Variants in DNAI7 observed in about 807,000 individuals in gnomAD.
DNAI7 encodes dynein axonemal intermediate chain 7.
DNAI7 carries 78 observed loss-of-function variants against 86.6 expected under a neutral mutation model. That is an observed-to-expected ratio of 0.90 (90% CI 0.75 to 1.09). DNAI7 has a LOEUF of 1.09. Among genes scored for constraint, DNAI7 ranks in the 50% least tolerant of loss-of-function variants. The pLI is 0.00. For missense variants in DNAI7, 753 were observed against 810.2 expected (o/e 0.93, Z 0.86); for synonymous variants, 274 against 273.0 (o/e 1.00, Z -0.04).
intron 6 of DNAI7, among the ~76,000 whole-genome samples, chr12:25,153,081 T>C (rs183504099): frequency 6.6e-6 from 1 of 152,330 alleles, no homozygotes; most frequent in Non-Finnish European, 1.5e-5. Context: ...TTCTATCTCT[T>C]TGTCTCTGTG....
chr12:25,146,952 T>C, intron 8 of DNAI7, 49 bp downstream of exon 8: 1 of 948,060 alleles, frequency 1.1e-6, no homozygotes, highest in Non-Finnish European at 1.7e-6. Context: ...ATGATGTGGC[T>C]CAATGTCTTT....
intron 7 of DNAI7, 31 bp from the exon 8 acceptor site, chr12:25,147,135 G>T: frequency 1.9e-6 from 2 of 1,055,720 alleles, no homozygotes; most frequent in Non-Finnish European, 2.9e-6. Context: ...ATTATAAAGG[G>T]CCACAGGCCT....
intron 9 of DNAI7, among the ~76,000 whole-genome samples, chr12:25,139,029 C>A (rs1380610084): frequency 6.6e-6 from 1 of 151,938 alleles, no homozygotes; most frequent in Non-Finnish European, 1.5e-5. Flanking sequence ...AGAGATACTA[C>A]AACTGATAGC....
At chr12:25,139,763 G>T (rs1943970780) in intron 9 of DNAI7, among the ~76,000 whole-genome samples, 1 of 151,998 alleles carries the variant, frequency 6.6e-6, no homozygotes, top group Non-Finnish European at 1.5e-5. Flanking sequence ...CAGGTTGATG[G>T]GTGCAGCAAA....
intron 12 of DNAI7, among the ~76,000 whole-genome samples, chr12:25,116,888 T>C (rs1026417386): frequency 2.6e-5 from 4 of 152,182 alleles, no homozygotes; most frequent in African/African-American, 7.2e-5. Flanking sequence ...GTTGTTCATG[T>C]TGATGTATTT....
In DNAI7 at chr12:25,108,595, A is replaced by C. The variant is rs760117950; in HGVS notation, c.2122T>G (p.Ser708Ala). The C allele has an allele frequency of 6.2e-7, 1 of 1,613,940 alleles. No homozygotes were observed. The highest frequency in any genetic ancestry group is 1.7e-5 in the Admixed American group (1 of 60,010). Residue 708 changes from serine (S) to alanine (A), a missense_variant, in exon 16 of 16, where the codon TCT becomes GCT. Coordinates refer to ENST00000395987, the MANE Select transcript of DNAI7 (RefSeq NM_018272.5). ...GTAGAGAGCAGCATGTGGCACACAG[A>C]GTTGACAAACTGACAGTTGGAACTC... ...VRSSNCQFVN[S>A]VCHMLLSTRL... is the part of the protein sequence containing the mutation.
chr12:25,116,062 T>C (rs1307951772), intron 12 of DNAI7, among the ~76,000 whole-genome samples: 13 of 150,506 alleles, frequency 8.6e-5, no homozygotes, highest in Non-Finnish European at 1.6e-4. Flanking sequence ...AAACTATGCC[T>C]CATTTATCTC....
chr12:25,185,485 T>G (rs1200691558), intron 2 of DNAI7, among the ~76,000 whole-genome samples: 1 of 152,260 alleles, frequency 6.6e-6, no homozygotes, highest in African/African-American at 2.4e-5. Context: ...TTTACCTAAT[T>G]GGCAAAACTG....
intron 2 of DNAI7, among the ~76,000 whole-genome samples, chr12:25,174,387 G>GATATATATA (rs1565810149): frequency 0.13 from 84 of 644 alleles, no homozygotes; most frequent in Non-Finnish European, 0.19. Flanking sequence ...TCATATATAT[G>GATATATATA]GGATATATCA....
rs1000819087 is a variant in DNAI7 at position 25,119,183 on chromosome 12, A to G, written c.1358T>C (p.Phe453Ser). The G allele has an allele frequency of 6.2e-7, 1 of 1,611,244 alleles. No homozygotes were observed. Among genetic ancestry groups the G allele is most frequent in the African/African-American group, 1.3e-5 (1 of 74,930 alleles). ...CCTTACAACCACAGGATCCTCAAAA[A>G]AGATTACATTCTCATGAACCTCAAG... Reference protein sequence around the residue: ...VTLEVHENVIFFEDPVVVRWD... With the variant: ...VTLEVHENVISFEDPVVVRWD... The change falls in exon 12 of 16, where the codon TTT (phenylalanine) becomes TCT (serine). Residue 453 changes from phenylalanine to serine, a missense_variant. Physicochemically the swap from Phe to Ser is radical, Grantham distance 155. Transcript: ENST00000395987.
chr12:25,168,387 G>A (rs149542775), intron 2 of DNAI7, among the ~76,000 whole-genome samples: 354 of 152,260 alleles, frequency 2.3e-3, no homozygotes, highest in African/African-American at 8.2e-3. Context: ...TAATTCCCGT[G>A]CTTGTCAGTT....
At chr12:25,133,525 AC>A (rs1251583014) in intron 9 of DNAI7, among the ~76,000 whole-genome samples, 3 of 152,060 alleles carry the variant, frequency 2.0e-5, no homozygotes, top group Non-Finnish European at 4.4e-5. Flanking sequence ...CTAAGCAGTC[AC>A]CCACCACCCT....
At chr12:25,146,092 C>T (rs1406332710) in intron 8 of DNAI7, among the ~76,000 whole-genome samples, 1 of 151,780 alleles carries the variant, frequency 6.6e-6, no homozygotes, top group Non-Finnish European at 1.5e-5. Context: ...CATGGTGGCA[C>T]ATGCCTGTAA....
chr12:25,154,394 C>T lies in DNAI7; in HGVS notation c.363G>A (p.Thr121=), dbSNP rs1314764713. ...PDPSVAQEMN[T]FISLWKEKTN... ...TTTTCTCTTTCCACAAACTAATAAA[C>T]GTGTTCATTTCTTGGGCTACTGAAG... is the stretch of plus-strand genomic sequence containing the variant. Residue 121 remains threonine (T), a synonymous_variant, in exon 6 of 16, where the codon ACG becomes ACA. Transcript: ENST00000395987. 1.7e-5 allele frequency: 28 copies of T among 1,611,532 alleles called. No individual in the cohort carries two copies. Among genetic ancestry groups the T allele is most frequent in the East Asian group, 2.2e-5 (1 of 44,700 alleles).
intron 9 of DNAI7, among the ~76,000 whole-genome samples, chr12:25,139,018 G>A (rs1015551097): frequency 5.3e-5 from 8 of 151,892 alleles, no homozygotes; most frequent in African/African-American, 1.4e-4. Flanking sequence ...GAAACAAAAT[G>A]AGAGATACTA....
Position 25,114,767 on chromosome 12 carries a change from T to C in DNAI7, c.1500A>G (p.Gln500=), listed in dbSNP as rs920669853. The part of the protein sequence containing the change: ...LDTFGPVTLI[Q]DAHINMPYQS... ...GGTACGGCATGTTAATATGAGCATC[T>C]TGAATCAAGGTAACAGGGCCAAAGG... Residue 500 remains glutamine (Q), a synonymous_variant, in exon 13 of 16, where the codon CAA becomes CAG. Coordinates refer to ENST00000395987, the MANE Select transcript of DNAI7 (RefSeq NM_018272.5). 2.5e-6 allele frequency: 4 copies of C among 1,613,956 alleles called. No homozygotes were observed. Among genetic ancestry groups the C allele is most frequent in the African/African-American group, 2.7e-5 (2 of 74,944 alleles).
chr12:25,136,880 A>T (rs1943619080), intron 9 of DNAI7, among the ~76,000 whole-genome samples: 3 of 152,204 alleles, frequency 2.0e-5, no homozygotes, highest in Admixed American at 2.0e-4. Context: ...AAAGAATTTT[A>T]AAAAATGAAC....
intron 13 of DNAI7, among the ~76,000 whole-genome samples, chr12:25,113,279 C>CTGT (rs111423023): frequency 0.068 from 10,249 of 150,606 alleles, 336 homozygotes; most frequent in Middle Eastern, 0.089. Context: ...GTTGTTGTTG[C>CTGT]TGTTGTTGTT....
chr12:25,117,804 G>A (rs1447539690), intron 12 of DNAI7, among the ~76,000 whole-genome samples: 1 of 151,916 alleles, frequency 6.6e-6, no homozygotes, highest in East Asian at 1.9e-4. Flanking sequence ...CCCAATACTT[G>A]TGTACAATTT....
Sources: allele counts gnomAD v4.1 joint callset (sites outside exome capture counted in the v4.1 genomes callset), GRCh38; gene constraint gnomAD v4.1.1; transcripts MANE v1.5; gene names NCBI Gene and HGNC (gene_info 2026-07-23, HGNC 2026-07-21).